APBB2: variants seen among roughly 807,000 people sequenced by gnomAD.
The protein encoded by APBB2 is Fe65-like 1.
A neutral mutation model predicts 82.5 loss-of-function variants in APBB2; 38 were observed. That is an observed-to-expected ratio of 0.46 (90% CI 0.36 to 0.60). APBB2 has a LOEUF of 0.60. APBB2 is among the 20% of genes least tolerant of loss of function. The pLI, the probability that APBB2 is intolerant of heterozygous loss-of-function variation, is 0.00. For synonymous variants in APBB2, 341 were observed against 368.2 expected (o/e 0.93, Z 0.85); for missense variants, 772 against 972.3 (o/e 0.79, Z 2.74).
chr4:40,989,674 CTGCACAGACTG>C (rs1801476769), intron 6 of APBB2, among the ~76,000 whole-genome samples: 1 of 152,154 alleles, frequency 6.6e-6, no homozygotes. Flanking sequence ...GGTGCATGCA[CTGCACAGACTG>C]ATACAGCCCC....
intron 3 of APBB2, among the ~76,000 whole-genome samples, chr4:41,071,533 T>C (rs372496480): frequency 6.6e-6 from 1 of 151,944 alleles, no homozygotes; most frequent in Non-Finnish European, 1.5e-5. Context: ...ATACAAAAAT[T>C]AGCCAGGCGT....
chr4:40,851,539 T>C (rs1195090091), intron 12 of APBB2, among the ~76,000 whole-genome samples: 1 of 152,038 alleles, frequency 6.6e-6, no homozygotes, highest in South Asian at 2.1e-4. Flanking sequence ...CCATTGTCAA[T>C]TGTACTCTCG....
Position 40,842,695 on chromosome 4 carries a change from G to A in APBB2, c.1530-12118C>T, listed in dbSNP as rs553732234. Among the ~76,000 whole-genome samples, 5 of 152,314 alleles carry A rather than the reference G, an allele frequency of 3.3e-5. No homozygotes were observed. The South Asian group carries it at 1.0e-3, about 32-fold the overall frequency. On this transcript the variant is annotated intron_variant, in intron 12 of 17. Coordinates refer to ENST00000508593, the MANE Select transcript of APBB2 (RefSeq NM_004307.2). ...AGGAAACTGTTTGCAGTAAACACTG[G>A]CAGAGGACGTGTCTTCATTTTCCAG...
chr4:41,162,266 T>C (rs560222695), intron 1 of APBB2, among the ~76,000 whole-genome samples: 1 of 151,466 alleles, frequency 6.6e-6, no homozygotes, highest in Non-Finnish European at 1.5e-5. Context: ...TGAATCACAG[T>C]CTACACATAG....
Position 41,109,596 on chromosome 4 carries a change from G to A in APBB2, c.-260-8846C>T, listed in dbSNP as rs1399002674. 3.9e-5 allele frequency among the ~76,000 whole-genome samples: 6 copies of A among 152,160 alleles called. No homozygotes were observed. In the South Asian group the frequency reaches 6.2e-4, roughly 16 times the overall value. ...CGCCATTCTCCTGCCTCAGCCTCCC[G>A]AGTAGCCGGGATTACAGGCACCCAC... is the stretch of plus-strand genomic sequence containing the variant. On this transcript the variant is annotated intron_variant, in intron 2 of 17. Transcript: ENST00000508593.
intron 6 of APBB2, among the ~76,000 whole-genome samples, chr4:40,946,460 A>ATACGT (rs10665095): frequency 0.19 from 28,350 of 151,760 alleles, 2,796 homozygotes; most frequent in Non-Finnish European, 0.21. Flanking sequence ...GCCAAATAAA[A>ATACGT]TACGTCTACT....
intron 5 of APBB2, 79 bp from the exon 6 acceptor site, chr4:41,014,477 G>T (rs1809318477): frequency 7.5e-7 from 1 of 1,333,192 alleles, no homozygotes; most frequent in African/African-American, 1.5e-5. Flanking sequence ...TTTTTATATA[G>T]AAAACTAAAA....
intron 12 of APBB2, among the ~76,000 whole-genome samples, chr4:40,877,232 T>C (rs1425350991): frequency 6.6e-6 from 1 of 152,252 alleles, no homozygotes; most frequent in Non-Finnish European, 1.5e-5. Flanking sequence ...AGATTTGCCT[T>C]GGCATCCCAG....
At chr4:40,936,659 G>A (rs755796734) in intron 7 of APBB2, among the ~76,000 whole-genome samples, 51 of 152,086 alleles carry the variant, frequency 3.4e-4, no homozygotes, top group Non-Finnish European at 7.4e-4. Context: ...TTCATTTTTG[G>A]TCTAGGCACC....
intron 12 of APBB2, chr4:40,881,532 T>TC (rs1176857467): frequency 2.8e-5 from 6 of 215,486 alleles, no homozygotes; most frequent in Non-Finnish European, 4.3e-5. Flanking sequence ...TCTTTTCTTT[T>TC]TCTTTTTTTT....
chr4:41,139,376 T>C (rs1044344109), intron 2 of APBB2, among the ~76,000 whole-genome samples: 2 of 152,104 alleles, frequency 1.3e-5, no homozygotes, highest in African/African-American at 4.8e-5. Context: ...ATAAAGAACA[T>C]TCACAAAAAA....
intron 6 of APBB2, among the ~76,000 whole-genome samples, chr4:40,953,453 A>G (rs1017585342): frequency 1.3e-5 from 2 of 152,012 alleles, no homozygotes; most frequent in Non-Finnish European, 2.9e-5. Context: ...ACCATGGTCA[A>G]CTGGTGTGTC....
At chr4:41,008,537 A>G (rs1807426808) in intron 6 of APBB2, among the ~76,000 whole-genome samples, 1 of 152,234 alleles carries the variant, frequency 6.6e-6, no homozygotes, top group Non-Finnish European at 1.5e-5. Flanking sequence ...CTTGCTCTTA[A>G]GGTCCAGAAA....
At chr4:40,919,725 T>G (rs1253384047) in intron 10 of APBB2, among the ~76,000 whole-genome samples, 1 of 152,240 alleles carries the variant, frequency 6.6e-6, no homozygotes, top group Non-Finnish European at 1.5e-5. Flanking sequence ...AGGACAGTTT[T>G]GGAAGACAAA....
At position 40,830,548 on chromosome 4, in the gene APBB2, T is replaced by C; in HGVS notation, c.1559A>G (p.Asp520Gly). The C allele has an allele frequency of 6.2e-7, 1 of 1,614,016 alleles. No homozygotes were observed. Among genetic ancestry groups the C allele is most frequent in the Non-Finnish European group, 8.5e-7 (1 of 1,179,868 alleles). ...TACATGACATTTCAAAATTCTTGTA[T>C]CTTTATCTCTTGCTACATAAGCAAA... is the stretch of plus-strand genomic sequence containing the variant. ...RDFAYVARDK[D>G]TRILKCHVFR... is the part of the protein sequence containing the mutation. Residue 520 changes from aspartate (D) to glycine (G), a missense_variant, in exon 13 of 18, where the codon GAT becomes GGT. Coordinates refer to ENST00000508593, the MANE Select transcript of APBB2 (RefSeq NM_004307.2).
At chr4:40,983,739 C>T (rs1455254547) in intron 6 of APBB2, among the ~76,000 whole-genome samples, 3 of 152,020 alleles carry the variant, frequency 2.0e-5, no homozygotes, top group South Asian at 4.2e-4. Context: ...CACCATACCC[C>T]GCTAATTTTT....
At chr4:41,172,369 C>A (rs1236623106) in intron 1 of APBB2, among the ~76,000 whole-genome samples, 1 of 152,134 alleles carries the variant, frequency 6.6e-6, no homozygotes, top group Non-Finnish European at 1.5e-5. Flanking sequence ...AACTTCTACT[C>A]ATCAAGATAT....
chr4:41,203,764 G>A (rs1394773584), intron 1 of APBB2, among the ~76,000 whole-genome samples: 3 of 152,094 alleles, frequency 2.0e-5, no homozygotes, highest in South Asian at 2.1e-4. Flanking sequence ...TTCCTGGGCC[G>A]TCTCCCTTTA....
At chr4:40,963,594 T>G (rs1290797770) in intron 6 of APBB2, among the ~76,000 whole-genome samples, 1 of 152,224 alleles carries the variant, frequency 6.6e-6, no homozygotes, top group Non-Finnish European at 1.5e-5. Flanking sequence ...GAAAGGCCTT[T>G]GAGAGAAGAC....
Sources: gnomAD v4.1 joint callset for allele counts (sites outside exome capture counted in the v4.1 genomes callset) on GRCh38, gnomAD v4.1.1 for gene constraint, MANE v1.5 for transcripts, NCBI Gene and HGNC (gene_info 2026-07-23, HGNC 2026-07-21) for gene names.